The following NCKAP5 variants were observed in gnomAD, a reference collection of about 807,000 sequenced individuals.
NCKAP5 encodes the protein nck-associated protein 5.
In NCKAP5, 92 loss-of-function variants were observed where a neutral mutation model predicts 167.0. That is an observed-to-expected ratio of 0.55 (90% CI 0.47 to 0.66). NCKAP5 has a LOEUF of 0.66. Among genes scored for constraint, NCKAP5 ranks in the 30% least tolerant of loss-of-function variants. The probability of loss-of-function intolerance (pLI) is 0.00; values close to 1 mark genes in which losing one functional copy is unlikely to be tolerated. For missense variants in NCKAP5, 2,378 were observed against 2,315.0 expected (o/e 1.03, Z -0.56); for synonymous variants, 891 against 877.4 (o/e 1.02, Z -0.27).
intron 8 of NCKAP5, among the ~76,000 whole-genome samples, chr2:132,945,313 T>C (rs1697625105): frequency 6.6e-6 from 1 of 152,020 alleles, no homozygotes; most frequent in Admixed American, 6.6e-5. Flanking sequence ...GGGGAAATGA[T>C]CATAAGCACA....
chr2:133,124,547 A>G (rs1044108128), intron 6 of NCKAP5, among the ~76,000 whole-genome samples: 2 of 152,224 alleles, frequency 1.3e-5, no homozygotes, highest in South Asian at 4.1e-4. Context: ...TTCATGCCTC[A>G]GCATAATAAA....
intron 8 of NCKAP5, among the ~76,000 whole-genome samples, chr2:132,933,880 A>G (rs781664200): frequency 2.0e-5 from 3 of 152,226 alleles, no homozygotes; most frequent in Non-Finnish European, 4.4e-5. Flanking sequence ...CAATAGCTCT[A>G]ATTTAACTGG....
chr2:132,732,053 T>C lies in NCKAP5; in HGVS notation c.5129-2A>G. On this transcript the variant is annotated splice_acceptor_variant, in intron 16 of 19. Transcript: ENST00000409261. LOFTEE classifies it high-confidence loss of function. ...ATGTTCTCATCTGGCAGTTGGATTC[T>C]GAGATAGAGAGACAGAGAGAGAAGG... 1 of 1,605,756 alleles carries C rather than the reference T, an allele frequency of 6.2e-7. No homozygotes were observed. The highest frequency in any genetic ancestry group is 8.5e-7 in the Non-Finnish European group (1 of 1,174,508).
intron 3 of NCKAP5, among the ~76,000 whole-genome samples, chr2:133,339,963 T>C (rs1683462152): frequency 6.6e-6 from 1 of 152,190 alleles, no homozygotes; most frequent in African/African-American, 2.4e-5. Flanking sequence ...GCAAATCCAA[T>C]GGGCATTGTT....
At chr2:133,661,987 A>G in the NCKAP5 span, among the ~76,000 whole-genome samples, 2 of 152,150 alleles carry the variant, frequency 1.3e-5, no homozygotes, top group African/African-American at 4.8e-5. Flanking sequence ...TCAAAAAAAA[A>G]ATGTGGGTTC....
At chr2:133,462,551 A>C (rs969111891) in intron 3 of NCKAP5, among the ~76,000 whole-genome samples, 2 of 152,212 alleles carry the variant, frequency 1.3e-5, no homozygotes, top group Non-Finnish European at 2.9e-5. Context: ...TACTTTTATA[A>C]GACAATCATG....
intron 3 of NCKAP5, among the ~76,000 whole-genome samples, chr2:133,344,069 T>C (rs1227760719): frequency 2.6e-5 from 4 of 152,152 alleles, no homozygotes; most frequent in Non-Finnish European, 1.5e-5. Flanking sequence ...AGTCATTCTT[T>C]GATTAGTGAC....
intron 6 of NCKAP5, among the ~76,000 whole-genome samples, chr2:133,098,467 T>G (rs2081408939): frequency 6.6e-6 from 1 of 152,222 alleles, no homozygotes; most frequent in Non-Finnish European, 1.5e-5. Context: ...AATTTTAAAG[T>G]GTTGACATTT....
At chr2:133,185,518 G>A (rs2084909683) in intron 5 of NCKAP5, among the ~76,000 whole-genome samples, 2 of 151,408 alleles carry the variant, frequency 1.3e-5, no homozygotes, top group Admixed American at 1.3e-4. Context: ...TTAGTATTTT[G>A]ACAGAAACAG....
At chr2:133,034,718 A>G (rs1474222039) in intron 6 of NCKAP5, among the ~76,000 whole-genome samples, 1 of 152,044 alleles carries the variant, frequency 6.6e-6, no homozygotes, top group East Asian at 1.9e-4. Flanking sequence ...TTGGTTATAA[A>G]TAGTATTTGC....
intron 6 of NCKAP5, among the ~76,000 whole-genome samples, chr2:133,054,964 A>T (rs553386312): frequency 6.6e-6 from 1 of 152,218 alleles, no homozygotes; most frequent in Non-Finnish European, 1.5e-5. Flanking sequence ...AAATTTACAC[A>T]TATCTGTATA....
chr2:133,346,184 A>C (rs889249583), intron 3 of NCKAP5, among the ~76,000 whole-genome samples: 1 of 152,232 alleles, frequency 6.6e-6, no homozygotes, highest in Non-Finnish European at 1.5e-5. Context: ...GGTAGTAGAA[A>C]GCAGGGACAA....
chr2:133,351,093 T>C (rs1252839423), intron 3 of NCKAP5, among the ~76,000 whole-genome samples: 1 of 152,166 alleles, frequency 6.6e-6, no homozygotes, highest in Non-Finnish European at 1.5e-5. Flanking sequence ...TTTGTGTTTG[T>C]AGAACATCAC....
At chr2:132,820,233 T>G (rs1686605861) in intron 11 of NCKAP5, among the ~76,000 whole-genome samples, 1 of 145,028 alleles carries the variant, frequency 6.9e-6, no homozygotes, top group Non-Finnish European at 1.6e-5. Context: ...TGTTTTGTTT[T>G]TGTTTTTTTT....
chr2:133,077,199 A>C (rs571574764), intron 6 of NCKAP5, among the ~76,000 whole-genome samples: 1 of 152,358 alleles, frequency 6.6e-6, no homozygotes, highest in African/African-American at 2.4e-5. Flanking sequence ...GCAGAATATG[A>C]CAGTTATTAC....
At chr2:133,245,895 GGAAA>G (rs1170851229) in intron 4 of NCKAP5, among the ~76,000 whole-genome samples, 2,970 of 112,608 alleles carry the variant, frequency 0.026, 85 homozygotes, top group African/African-American at 0.08. Flanking sequence ...GATTTGATCA[GGAAA>G]AAAAAAAAAA....
chr2:132,879,886 C>G (rs769199476), intron 8 of NCKAP5, among the ~76,000 whole-genome samples: 8 of 152,066 alleles, frequency 5.3e-5, no homozygotes, highest in African/African-American at 9.7e-5. Flanking sequence ...TTTTCTAAAC[C>G]TTTTATTTGG....
intron 2 of NCKAP5, among the ~76,000 whole-genome samples, chr2:133,521,773 T>A (rs560157890): frequency 1.3e-5 from 2 of 152,354 alleles, no homozygotes; most frequent in Admixed American, 1.3e-4. Flanking sequence ...TACAGTCACA[T>A]TGGGAGTTAG....
intron 3 of NCKAP5, among the ~76,000 whole-genome samples, chr2:133,414,858 C>T (rs115512534): frequency 0.013 from 1,928 of 152,296 alleles, 24 homozygotes; most frequent in Middle Eastern, 0.027. Flanking sequence ...TTCCTTAACA[C>T]ATGAGTTAAC....
Sources: allele counts gnomAD v4.1 joint callset (sites outside exome capture counted in the v4.1 genomes callset), GRCh38; gene constraint gnomAD v4.1.1; transcripts MANE v1.5; gene names NCBI Gene and HGNC (gene_info 2026-07-23, HGNC 2026-07-21).